GSN: variants seen among roughly 807,000 people sequenced by gnomAD.
GSN encodes the protein gelsolin.
Under a neutral mutation model 85.7 loss-of-function variants are expected in GSN, and 56 were observed. The observed-to-expected ratio is 0.65, with a 90% CI of 0.53 to 0.82. The LOEUF is 0.82. Among genes scored for constraint, GSN ranks in the 40% least tolerant of loss-of-function variants. The probability of loss-of-function intolerance (pLI) is 0.00; values close to 1 mark genes in which losing one functional copy is unlikely to be tolerated. For synonymous variants in GSN, 373 were observed against 399.1 expected (o/e 0.93, Z 0.78); for missense variants, 857 against 979.8 (o/e 0.87, Z 1.67).
chr9:121,210,508 C>T (rs1394673116), intron 3 of GSN, among the ~76,000 whole-genome samples: 1 of 152,182 alleles, frequency 6.6e-6, no homozygotes, highest in African/African-American at 2.4e-5. Flanking sequence ...GTGGACTCCC[C>T]AAGAGCCAGA....
rs576037975 is a variant in GSN at position 121,226,708 on chromosome 9, ACTC to A, written c.-527-4454_-527-4452del. Among the ~76,000 whole-genome samples the A allele has an allele frequency of 2.5e-3, 385 of 152,186 alleles. 4 individuals carry two copies. The highest frequency in any genetic ancestry group is 9.0e-3 in the African/African-American group (372 of 41,520). On this transcript the variant is annotated intron_variant, in intron 4 of 24. Coordinates refer to the GSN transcript ENST00000373823. ...CTTTGACCCCAGCTCCTGACACAGA[ACTC>A]CTAATTCCTTGGAATTTCCTAGGTA...
chr9:121,287,480 T>A (rs937161568), intron 2 of GSN, among the ~76,000 whole-genome samples: 2 of 152,032 alleles, frequency 1.3e-5, no homozygotes, highest in Admixed American at 6.5e-5. Context: ...GGGTGGGGCC[T>A]GGGAATCTAT....
chr9:121,246,784 A>C (rs148297006), intron 5 of GSN, among the ~76,000 whole-genome samples: 45 of 152,246 alleles, frequency 3.0e-4, no homozygotes, highest in African/African-American at 9.9e-4. Flanking sequence ...AGCCATTCAG[A>C]TAGAGACAGG....
In GSN at chr9:121,281,552, A is replaced by G. The variant is rs1467397328; in HGVS notation, c.-20A>G. On this transcript the variant is annotated 5_prime_UTR_variant, in exon 2 of 18. Coordinates refer to ENST00000432226, the MANE Select transcript of GSN (RefSeq NM_198252.3). ...CGGAGCAGCACTCTTCACCCTGCACAGCCTTGTTAGGTAGGTAGAGCAATA... is the reference window on the plus strand; with the variant it reads ...CGGAGCAGCACTCTTCACCCTGCACGGCCTTGTTAGGTAGGTAGAGCAATA... 2.2e-6 allele frequency: 1 copy of G among 456,606 alleles called. No individual in the cohort carries two copies. Among genetic ancestry groups the G allele is most frequent in the East Asian group, 7.0e-5 (1 of 14,292 alleles). 28.3% of individuals were successfully genotyped at this position (456,606 alleles called of 1,614,324 possible).
At chr9:121,277,814 T>C (rs1168687215) in intron 1 of GSN, among the ~76,000 whole-genome samples, 4 of 152,190 alleles carry the variant, frequency 2.6e-5, no homozygotes, top group Non-Finnish European at 1.5e-5. Context: ...TCTTTCTGTA[T>C]TTATGGATGC....
At position 121,331,448 on chromosome 9, in the gene GSN, G is replaced by A. The variant is rs1333582820; in HGVS notation, c.2026G>A (p.Ala676Thr). 1 of 1,591,874 alleles carries A rather than the reference G, an allele frequency of 6.3e-7. No homozygotes were observed. The highest frequency in any genetic ancestry group is 8.6e-7 in the Non-Finnish European group (1 of 1,164,380). The change falls in exon 17 of 18, where the codon GCT becomes ACT. Residue 676 changes from alanine to threonine, a missense_variant and splice_region_variant. Transcript: ENST00000432226. ...AGAAAAGACAGAAGCCTTGACTTCT[G>A]GTGAGGACCCGAGTGCCTGGGGGCG... The part of the protein sequence containing the change: ...EEEKTEALTS[A>T]KRYIETDPAN...
upstream of GSN, among the ~76,000 whole-genome samples, chr9:121,265,932 G>T (rs2055188407): frequency 6.6e-6 from 1 of 152,182 alleles, no homozygotes; most frequent in Admixed American, 6.5e-5. Flanking sequence ...ATAAAGCAAA[G>T]CACCAGGAGA....
chr9:121,247,816 G>A (rs4837820), intron 5 of GSN, among the ~76,000 whole-genome samples: 57,189 of 151,208 alleles, frequency 0.38, 13,503 homozygotes, highest in East Asian at 0.62. Flanking sequence ...CTTGACTCAC[G>A]AGATTCTGGT....
At chr9:121,287,934 CT>C (rs1346816772) in intron 2 of GSN, among the ~76,000 whole-genome samples, 10 of 151,956 alleles carry the variant, frequency 6.6e-5, no homozygotes, top group African/African-American at 2.4e-4. Flanking sequence ...TGCTTTCTGT[CT>C]CTTTGTTGTT....
chr9:121,214,211 TTCC>T (rs984911939), intron 4 of GSN, among the ~76,000 whole-genome samples: 58 of 151,914 alleles, frequency 3.8e-4, no homozygotes, highest in East Asian at 2.7e-3. Flanking sequence ...CCTTCCTTCC[TTCC>T]TCTTCTTCTT....
At chr9:121,212,203 C>T (rs577791865) in intron 4 of GSN, among the ~76,000 whole-genome samples, 16 of 152,222 alleles carry the variant, frequency 1.1e-4, no homozygotes, top group Admixed American at 5.9e-4. Flanking sequence ...TACAAGCAAG[C>T]GTTTTCAGAG....
rs1345215642 is a variant in GSN at position 121,332,196 on chromosome 9, A to C, written c.2027-238A>C. Among the ~76,000 whole-genome samples the C allele has an allele frequency of 2.0e-5, 3 of 152,210 alleles. No homozygotes were observed. Among genetic ancestry groups the C allele is most frequent in the Non-Finnish European group, 4.4e-5 (3 of 68,034 alleles). ...GCAAGGGAAAGTAATAAGCTTTATGAAGCAGGAGATTAAGCCGTAGCCCTG... is the reference window on the plus strand; with the variant it reads ...GCAAGGGAAAGTAATAAGCTTTATGCAGCAGGAGATTAAGCCGTAGCCCTG... On this transcript the variant is annotated intron_variant, in intron 17 of 17. Coordinates refer to ENST00000432226, the MANE Select transcript of GSN (RefSeq NM_198252.3). The surrounding 1 kb of genome is among the most constrained non-coding windows in gnomAD (Gnocchi z 4.8).
At chr9:121,293,667 C>T (rs1191358120) in intron 2 of GSN, among the ~76,000 whole-genome samples, 1 of 146,794 alleles carries the variant, frequency 6.8e-6, no homozygotes, top group African/African-American at 2.5e-5. Context: ...CGCTGCACTC[C>T]AGCCTGGGTG....
At chr9:121,281,038 C>T (rs1432020744) in intron 1 of GSN, 16 of 159,022 alleles carry the variant, frequency 1.0e-4, no homozygotes, top group Admixed American at 9.3e-4. Flanking sequence ...TGGAGCAGAT[C>T]AGGGAACAGG....
At chr9:121,293,026 A>G (rs891798186) in intron 2 of GSN, among the ~76,000 whole-genome samples, 117 of 152,270 alleles carry the variant, frequency 7.7e-4, no homozygotes, top group East Asian at 1.9e-4. Context: ...AATCTTGGCC[A>G]TAGTTGGTAT....
chr9:121,323,023 T>C lies in GSN; in HGVS notation c.1326-1531T>C, dbSNP rs58983472. 3.3e-3 allele frequency among the ~76,000 whole-genome samples: 508 copies of C among 152,144 alleles called. 2 individuals carry two copies. Among genetic ancestry groups the C allele is most frequent in the African/African-American group, 0.012 (492 of 41,498 alleles). ...GCTACTTTTTATACTTTAGTATGGATGGGGCTTTGCCATGTTGCCCAGGCT... is the reference window on the plus strand; with the variant it reads ...GCTACTTTTTATACTTTAGTATGGACGGGGCTTTGCCATGTTGCCCAGGCT... On this transcript the variant is annotated intron_variant, in intron 11 of 17. Transcript: ENST00000432226.
At chr9:121,291,415 ACTT>A (rs2058673160) in intron 2 of GSN, among the ~76,000 whole-genome samples, 2 of 104,998 alleles carry the variant, frequency 1.9e-5, no homozygotes, top group South Asian at 6.9e-4. Context: ...TCCCCACTGG[ACTT>A]TTTTTTTTTT....
upstream of GSN, among the ~76,000 whole-genome samples, chr9:121,206,382 C>G (rs371598983): frequency 6.6e-6 from 1 of 151,876 alleles, no homozygotes; most frequent in Non-Finnish European, 1.5e-5. Flanking sequence ...GAGACTCATT[C>G]GTCTCTGGGT....
chr9:121,230,196 C>G (rs2054360042), intron 4 of GSN, among the ~76,000 whole-genome samples: 2 of 152,022 alleles, frequency 1.3e-5, no homozygotes, highest in Non-Finnish European at 2.9e-5. Context: ...TTTTCTGGTA[C>G]CAGATATTCC....
Sources: gnomAD v4.1 joint callset for allele counts (sites outside exome capture counted in the v4.1 genomes callset) on GRCh38, gnomAD v4.1.1 for gene constraint, Gnocchi (gnomAD v3.1) non-coding constraint, MANE v1.5 for transcripts, NCBI Gene and HGNC (gene_info 2026-07-23, HGNC 2026-07-21) for gene names.